Variants in NTF3 observed in about 807,000 individuals in gnomAD.
NTF3 encodes the protein neurotrophin 3, also known as neurotrophin-3.
NTF3 carries 8 observed loss-of-function variants against 26.3 expected under a neutral mutation model. The ratio of observed to expected loss-of-function variants is 0.30; its 90% CI spans 0.18 to 0.55. The LOEUF is 0.55. NTF3 is among the 20% of genes least tolerant of loss of function. The pLI is 0.93. For missense variants in NTF3, 276 were observed against 352.9 expected (o/e 0.78, Z 1.75); for synonymous variants, 154 against 145.5 (o/e 1.06, Z -0.42).
chr12:5,490,662 C>T (rs1940924726), intron 1 of NTF3, among the ~76,000 whole-genome samples: 3 of 152,196 alleles, frequency 2.0e-5, no homozygotes, highest in Admixed American at 1.3e-4. Context: ...CTATTCTTGC[C>T]CCCAGCAAAT....
intron 1 of NTF3, among the ~76,000 whole-genome samples, chr12:5,441,468 AT>A (rs545357449): frequency 0.09 from 13,701 of 152,224 alleles, 651 homozygotes; most frequent in South Asian, 0.12. Flanking sequence ...TATTAAAATC[AT>A]TGCTTAACCT....
At chr12:5,484,227 C>T (rs1758294898) in intron 1 of NTF3, among the ~76,000 whole-genome samples, 1 of 152,140 alleles carries the variant, frequency 6.6e-6, no homozygotes, top group South Asian at 2.1e-4. Context: ...AAGTCACTTC[C>T]CCCCATAACC....
At chr12:5,482,170 G>A (rs914514941) in intron 1 of NTF3, among the ~76,000 whole-genome samples, 3 of 151,628 alleles carry the variant, frequency 2.0e-5, no homozygotes, top group African/African-American at 4.8e-5. Context: ...ATGCGTACAC[G>A]AGCGCGCACA....
intron 1 of NTF3, among the ~76,000 whole-genome samples, chr12:5,458,121 C>T (rs562187186): frequency 6.6e-6 from 1 of 152,300 alleles, no homozygotes; most frequent in East Asian, 1.9e-4. Flanking sequence ...ACTCATACCC[C>T]ATGCACCAGC....
intron 1 of NTF3, among the ~76,000 whole-genome samples, chr12:5,478,457 T>G (rs1401769118): frequency 3.4e-5 from 5 of 148,090 alleles, no homozygotes; most frequent in Non-Finnish European, 7.5e-5. Flanking sequence ...CCCTTCCGTC[T>G]GACTACAGTC....
intron 1 of NTF3, among the ~76,000 whole-genome samples, chr12:5,437,824 G>A (rs960793926): frequency 6.6e-6 from 1 of 152,206 alleles, no homozygotes; most frequent in African/African-American, 2.4e-5. Flanking sequence ...AAGGTCTGTG[G>A]ATGTACTTTG....
At chr12:5,445,955 AT>A (rs1296241108) in intron 1 of NTF3, among the ~76,000 whole-genome samples, 1 of 152,198 alleles carries the variant, frequency 6.6e-6, no homozygotes, top group Non-Finnish European at 1.5e-5. Context: ...TTCTTAGCAG[AT>A]TCTGAAGCAC....
chr12:5,476,891 G>A (rs1940731189), intron 1 of NTF3, among the ~76,000 whole-genome samples: 1 of 152,142 alleles, frequency 6.6e-6, no homozygotes. Flanking sequence ...ATAATGCATA[G>A]AGATTTTTTT....
At chr12:5,453,110 A>C (rs1565387278) in intron 1 of NTF3, among the ~76,000 whole-genome samples, 1 of 152,244 alleles carries the variant, frequency 6.6e-6, no homozygotes, top group Non-Finnish European at 1.5e-5. Context: ...GTATGACTGA[A>C]CACATGTAGA....
At chr12:5,477,007 T>C (rs1035857441) in intron 1 of NTF3, among the ~76,000 whole-genome samples, 2 of 152,222 alleles carry the variant, frequency 1.3e-5, no homozygotes, top group East Asian at 1.9e-4. Context: ...AAGTTCATTA[T>C]ATTACTTTTA....
At chr12:5,447,157 C>T (rs1387045158) in intron 1 of NTF3, among the ~76,000 whole-genome samples, 1 of 152,222 alleles carries the variant, frequency 6.6e-6, no homozygotes, top group Non-Finnish European at 1.5e-5. Context: ...CCCAAATATA[C>T]AGCATCACCT....
intron 1 of NTF3, among the ~76,000 whole-genome samples, chr12:5,486,142 C>G (rs553608938): frequency 6.6e-6 from 1 of 152,322 alleles, no homozygotes; most frequent in South Asian, 2.1e-4. Flanking sequence ...TTGACACAAG[C>G]CTGCTGGCCA....
intron 1 of NTF3, among the ~76,000 whole-genome samples, chr12:5,445,289 TGTGTGTGTGTA>T (rs1357044622): frequency 3.7e-5 from 1 of 26,762 alleles, no homozygotes; most frequent in Non-Finnish European, 1.1e-4. Flanking sequence ...GATTAAATGA[TGTGTGTGTGTA>T]TGTGTGTGTG....
rs1408813478 is a variant in NTF3 at position 5,494,633 on chromosome 12, C to T, written c.458C>T (p.Ala153Val). The T allele has an allele frequency of 1.2e-6, 2 of 1,614,032 alleles. No individual in the cohort carries two copies. The highest frequency in any genetic ancestry group is 1.1e-5 in the South Asian group (1 of 91,058). The change falls in exon 2 of 2, where the codon GCG (alanine) becomes GTG (valine). Residue 153 changes from alanine (A) to valine (V), a missense_variant. Around this residue, in one of 3 missense-constraint regions of NTF3, gnomAD observed 221 missense variants for 258.2 expected, o/e 0.86. Coordinates refer to ENST00000423158, the MANE Select transcript of NTF3 (RefSeq NM_001102654.2). The surrounding 1 kb of genome is among the most constrained non-coding windows in gnomAD (Gnocchi z 8.3). Reference sequence around the variant, plus strand: ...AGAACATCACGGCGGAAACGGTACGCGGAGCATAAGAGTCACCGAGGGGAG... The same window carrying T: ...AGAACATCACGGCGGAAACGGTACGTGGAGCATAAGAGTCACCGAGGGGAG... ...ANRTSRRKRYAEHKSHRGEYS... is the reference protein window; with the variant it reads ...ANRTSRRKRYVEHKSHRGEYS...
At chr12:5,462,956 T>C (rs538883060) in intron 1 of NTF3, among the ~76,000 whole-genome samples, 106 of 152,304 alleles carry the variant, frequency 7.0e-4, no homozygotes, top group African/African-American at 2.5e-3. Flanking sequence ...CTTTTCAGAA[T>C]GTTTCTCACT....
chr12:5,471,668 G>C (rs1940668280), intron 1 of NTF3, among the ~76,000 whole-genome samples: 1 of 151,828 alleles, frequency 6.6e-6, no homozygotes. Context: ...CTTAACATGA[G>C]GATGTTTGTA....
At position 5,456,618 on chromosome 12, in the gene NTF3, C is replaced by T. The variant is rs893239153; in HGVS notation, c.18+24276C>T. 5.3e-5 allele frequency among the ~76,000 whole-genome samples: 8 copies of T among 152,170 alleles called. No individual in the cohort carries two copies. The South Asian group carries it at 1.7e-3, about 32-fold the overall frequency. On this transcript the variant is annotated intron_variant, in intron 1 of 1. Transcript: ENST00000423158. This position sits in a 1 kb window ranked among gnomAD's most constrained non-coding sequence, Gnocchi z 4.4. The stretch of plus-strand genomic sequence containing the variant: ...GGGGGTCCTCTTCCACCCCCACCCC[C>T]ACCCCCAGCCCCTGGAGCAGGTACT...
chr12:5,448,866 G>A (rs776657995), intron 1 of NTF3, among the ~76,000 whole-genome samples: 1 of 152,160 alleles, frequency 6.6e-6, no homozygotes, highest in Non-Finnish European at 1.5e-5. Flanking sequence ...AATGAACTCT[G>A]CCCAGTGACT....
At chr12:5,493,793 G>A (rs1413958956) in intron 1 of NTF3, among the ~76,000 whole-genome samples, 1 of 152,160 alleles carries the variant, frequency 6.6e-6, no homozygotes, top group East Asian at 1.9e-4. Context: ...TGCTGCTGAA[G>A]GGAAGTTACT....
Sources: allele counts gnomAD v4.1 joint callset (sites outside exome capture counted in the v4.1 genomes callset), GRCh38; gene constraint gnomAD v4.1.1; regional missense constraint gnomAD v4.1.1; non-coding constraint Gnocchi (gnomAD v3.1); transcripts MANE v1.5; gene names NCBI Gene and HGNC (gene_info 2026-07-23, HGNC 2026-07-21).